The following NRXN3 variants were observed in gnomAD, a reference collection of about 807,000 sequenced individuals.
NRXN3 encodes the protein neurexin III.
NRXN3 carries 32 observed loss-of-function variants against 137.6 expected under a neutral mutation model. The observed-to-expected ratio is 0.23, with a 90% CI of 0.18 to 0.31. The LOEUF (loss-of-function observed/expected upper bound fraction) is 0.31. Among genes scored for constraint, NRXN3 ranks in the 10% least tolerant of loss-of-function variants. The probability of loss-of-function intolerance (pLI) is 1.00; values close to 1 mark genes in which losing one functional copy is unlikely to be tolerated. For synonymous variants in NRXN3, 798 were observed against 784.5 expected (o/e 1.02, Z -0.29); for missense variants, 1,574 against 2,062.5 (o/e 0.76, Z 4.59).
At chr14:79,149,749 C>T (rs558996978) in intron 15 of NRXN3, among the ~76,000 whole-genome samples, 2 of 152,056 alleles carry the variant, frequency 1.3e-5, no homozygotes, top group East Asian at 1.9e-4. Context: ...AGCAAACCAA[C>T]GCAGGAACAG....
At chr14:78,178,349 A>AG (rs1263262402) in intron 1 of NRXN3, among the ~76,000 whole-genome samples, 1 of 152,158 alleles carries the variant, frequency 6.6e-6, no homozygotes, top group Non-Finnish European at 1.5e-5. Context: ...GCTTAGGAGG[A>AG]GGGGGCTGCT....
At chr14:79,713,236 T>C (rs2098811352) in intron 19 of NRXN3, among the ~76,000 whole-genome samples, 1 of 146,358 alleles carries the variant, frequency 6.8e-6, no homozygotes, top group African/African-American at 2.5e-5. Flanking sequence ...AAAGTAGCAC[T>C]TACAACTCAG....
chr14:79,741,838 T>C (rs145375810), intron 19 of NRXN3, among the ~76,000 whole-genome samples: 13 of 152,082 alleles, frequency 8.5e-5, no homozygotes, highest in African/African-American at 1.7e-4. Flanking sequence ...ACAGAGTATG[T>C]ATACGTATAT....
intron 19 of NRXN3, among the ~76,000 whole-genome samples, chr14:79,781,066 A>C (rs1343918254): frequency 6.6e-6 from 1 of 152,146 alleles, no homozygotes; most frequent in Non-Finnish European, 1.5e-5. Context: ...ATAATTAACT[A>C]AACCCTTAAA....
At chr14:78,448,948 A>G (rs1374675737) in intron 4 of NRXN3, among the ~76,000 whole-genome samples, 1 of 152,174 alleles carries the variant, frequency 6.6e-6, no homozygotes. Flanking sequence ...GTTCCTGCGT[A>G]AGTTCAGAAC....
chr14:79,756,475 AAACTT>A (rs1052154757), intron 19 of NRXN3, among the ~76,000 whole-genome samples: 8 of 152,206 alleles, frequency 5.3e-5, no homozygotes, highest in African/African-American at 1.2e-4. Flanking sequence ...TATGGATATG[AAACTT>A]AACTTGTCTT....
At chr14:79,741,636 C>A (rs1233115519) in intron 19 of NRXN3, among the ~76,000 whole-genome samples, 1 of 152,058 alleles carries the variant, frequency 6.6e-6, no homozygotes. Context: ...AGGTGTGCAT[C>A]ACCACACTCA....
intron 2 of NRXN3, among the ~76,000 whole-genome samples, chr14:78,262,044 A>G (rs192549742): frequency 1.3e-5 from 2 of 152,310 alleles, no homozygotes; most frequent in East Asian, 3.9e-4. Context: ...GGGGAAATCT[A>G]ATGAAAACCA....
chr14:78,982,198 C>G (rs552362227), intron 14 of NRXN3, among the ~76,000 whole-genome samples: 1 of 152,128 alleles, frequency 6.6e-6, no homozygotes, highest in Non-Finnish European at 1.5e-5. Context: ...TTACAAGAAC[C>G]ATTTTGCTTT....
At chr14:78,998,685 G>A (rs1420247075) in intron 15 of NRXN3, among the ~76,000 whole-genome samples, 3 of 148,300 alleles carry the variant, frequency 2.0e-5, no homozygotes, top group East Asian at 2.0e-4. Context: ...TGCAACATCC[G>A]CCTACCAGGT....
At chr14:79,540,981 G>A (rs2097266679) in intron 16 of NRXN3, among the ~76,000 whole-genome samples, 1 of 152,122 alleles carries the variant, frequency 6.6e-6, no homozygotes, top group Admixed American at 6.6e-5. Flanking sequence ...TCCTTCTGGA[G>A]GTTCTGAAAA....
At chr14:78,594,353 A>G (rs1190740758) in intron 4 of NRXN3, among the ~76,000 whole-genome samples, 1 of 152,132 alleles carries the variant, frequency 6.6e-6, no homozygotes, top group Non-Finnish European at 1.5e-5. Context: ...GCAGGATCTG[A>G]GTTGTCATGT....
intron 4 of NRXN3, among the ~76,000 whole-genome samples, chr14:78,532,364 TTGA>T (rs1300201256): frequency 1.5e-5 from 2 of 136,224 alleles, no homozygotes; most frequent in East Asian, 2.2e-4. Flanking sequence ...AAAAAGAAAA[TTGA>T]TGATATTTTG....
In NRXN3 at chr14:78,967,516, CTGTTT is replaced by C. The variant is rs1348064084; in HGVS notation, c.2968+120_2968+124del. ...GCATTTTTGATACATCATCCATATC[CTGTTT>C]TAACAATGTTGAATTATCCTGTAAT... On this transcript the variant is annotated intron_variant, in intron 13 of 20. Coordinates refer to ENST00000335750, the MANE Select transcript of NRXN3 (RefSeq NM_001330195.2). 6 of 711,684 alleles carry C rather than the reference CTGTTT, an allele frequency of 8.4e-6. No individual in the cohort carries two copies. The African/African-American group carries it at 1.1e-4, about 13-fold the overall frequency. The allele number at this position is 711,684 out of a possible 1,614,324, so 44.1% of individuals were successfully genotyped here.
chr14:78,781,856 A>G (rs895644664), intron 8 of NRXN3, among the ~76,000 whole-genome samples: 1 of 152,242 alleles, frequency 6.6e-6, no homozygotes, highest in Non-Finnish European at 1.5e-5. Context: ...ACACAGGTTC[A>G]TATAATACAA....
chr14:78,932,941 A>G (rs2099326446), intron 10 of NRXN3, among the ~76,000 whole-genome samples: 1 of 152,172 alleles, frequency 6.6e-6, no homozygotes. Flanking sequence ...TGACATCCCA[A>G]CACACACTGT....
chr14:79,283,118 T>G (rs1290292326), intron 15 of NRXN3, among the ~76,000 whole-genome samples: 3 of 152,130 alleles, frequency 2.0e-5, no homozygotes, highest in Non-Finnish European at 4.4e-5. Context: ...TTAAAAAATA[T>G]TTTTGGATGG....
intron 4 of NRXN3, among the ~76,000 whole-genome samples, chr14:78,350,885 A>C (rs1014950930): frequency 4.6e-5 from 7 of 152,188 alleles, no homozygotes; most frequent in African/African-American, 1.4e-4. Context: ...AATCTGGAGA[A>C]TAATACAAAC....
chr14:79,646,496 A>T (rs221463), intron 16 of NRXN3, among the ~76,000 whole-genome samples: 1 of 134,678 alleles, frequency 7.4e-6, no homozygotes, highest in Non-Finnish European at 1.7e-5. Context: ...TAAGGCTTTC[A>T]GCAGTCAGCA....
Sources: gnomAD v4.1 joint callset for allele counts (sites outside exome capture counted in the v4.1 genomes callset) on GRCh38, gnomAD v4.1.1 for gene constraint, MANE v1.5 for transcripts, NCBI Gene and HGNC (gene_info 2026-07-23, HGNC 2026-07-21) for gene names.